Variants in TDRD5 observed in about 807,000 individuals in gnomAD.
The protein encoded by TDRD5 is tudor domain containing 5, also known as tudor domain-containing protein 5.
Under a neutral mutation model 120.6 loss-of-function variants are expected in TDRD5, and 41 were observed. That is an observed-to-expected ratio of 0.34 (90% CI 0.26 to 0.44). The LOEUF (loss-of-function observed/expected upper bound fraction) is 0.44. Among genes scored for constraint, TDRD5 ranks in the 20% least tolerant of loss-of-function variants. The pLI is 1.00. For synonymous variants in TDRD5, 430 were observed against 433.7 expected (o/e 0.99, Z 0.11); for missense variants, 1,006 against 1,221.2 (o/e 0.82, Z 2.63).
At position 179,636,821 on chromosome 1, in the gene TDRD5, G is replaced by C. The variant is rs1190490351; in HGVS notation, c.1520+934G>C. 2.0e-5 allele frequency among the ~76,000 whole-genome samples: 3 copies of C among 152,156 alleles called. No individual in the cohort carries two copies. The East Asian group carries it at 5.8e-4, about 29-fold the overall frequency. On this transcript the variant is annotated intron_variant, in intron 9 of 17. Transcript: ENST00000444136. Reference sequence around the variant, plus strand: ...GTTTGATTTTTGTCATTGACAACATGTACTGTGAGTTGTTTTCCTTGAAGT... The same window carrying C: ...GTTTGATTTTTGTCATTGACAACATCTACTGTGAGTTGTTTTCCTTGAAGT...
intron 4 of TDRD5, among the ~76,000 whole-genome samples, chr1:179,612,103 A>C (rs551534640): frequency 6.7e-4 from 102 of 152,344 alleles, no homozygotes; most frequent in African/African-American, 2.4e-3. Flanking sequence ...ATATATTACA[A>C]AATTAAAGTG....
intron 17 of TDRD5, among the ~76,000 whole-genome samples, chr1:179,688,240 G>T (rs1480991583): frequency 6.6e-6 from 1 of 152,116 alleles, no homozygotes; most frequent in African/African-American, 2.4e-5. Context: ...AGCAGGCCTG[G>T]TGGTGACAAA....
rs543279481 is a variant in TDRD5, at chr1:179,592,673, A to G, written c.58A>G (p.Ile20Val). 6.2e-7 allele frequency: 1 copy of G among 1,613,882 alleles called. No individual in the cohort carries two copies. Among genetic ancestry groups the G allele is most frequent in the Admixed American group, 1.7e-5 (1 of 60,004 alleles). ...CLRKEIRSLL[I>V]STKDGLSPQE... ...GCGGAAGGAAATAAGGTCACTTCTCATTTCCACCAAAGATGGTTTGAGCCC... is the reference window on the plus strand; with the variant it reads ...GCGGAAGGAAATAAGGTCACTTCTCGTTTCCACCAAAGATGGTTTGAGCCC... Residue 20 changes from isoleucine to valine, a missense_variant, in exon 2 of 18, where the codon ATT (isoleucine) becomes GTT (valine). Ile to Val is a conservative substitution (Grantham distance 29, BLOSUM62 3). Transcript: ENST00000444136.
At chr1:179,595,216 G>A (rs1675324697) in intron 3 of TDRD5, among the ~76,000 whole-genome samples, 1 of 151,994 alleles carries the variant, frequency 6.6e-6, no homozygotes, top group African/African-American at 2.4e-5. Context: ...ATTTTATTCT[G>A]TAGCTTTTCA....
Position 179,639,948 on chromosome 1 carries a change from C to T in TDRD5, c.1630C>T (p.Arg544Trp), listed in dbSNP as rs1327324261. The T allele has an allele frequency of 1.2e-6, 2 of 1,613,920 alleles. No homozygotes were observed. Among genetic ancestry groups the T allele is most frequent in the Non-Finnish European group, 1.7e-6 (2 of 1,180,012 alleles). ...GATTTCTGAGGATAAGTGGTGGTAT[C>T]GGGTCATTATCCATCGAGTCCTTGA... is the stretch of plus-strand genomic sequence containing the variant. ...VRISEDKWWYRVIIHRVLEKQ... is the reference protein window; with the variant it reads ...VRISEDKWWYWVIIHRVLEKQ... The change falls in exon 10 of 18, where the codon CGG (arginine) becomes TGG (tryptophan). Residue 544 changes from arginine (R) to tryptophan (W), a missense_variant. This residue lies in a region of TDRD5 where 158 missense variants were observed against 257.5 expected (regional missense o/e 0.61). Transcript: ENST00000444136.
At chr1:179,637,727 A>G (rs1202791567) in intron 9 of TDRD5, among the ~76,000 whole-genome samples, 3 of 151,178 alleles carry the variant, frequency 2.0e-5, no homozygotes, top group Non-Finnish European at 4.4e-5. Flanking sequence ...GGAAAAAAAA[A>G]AAATACTGTA....
At chr1:179,614,998 G>A (rs745404235) in intron 4 of TDRD5, among the ~76,000 whole-genome samples, 8 of 152,098 alleles carry the variant, frequency 5.3e-5, no homozygotes, top group Non-Finnish European at 8.8e-5. Flanking sequence ...CTAACTGAAA[G>A]TTTGTGTCCT....
At chr1:179,678,414 G>C (rs757392529) in intron 17 of TDRD5, among the ~76,000 whole-genome samples, 1 of 151,980 alleles carries the variant, frequency 6.6e-6, no homozygotes, top group Non-Finnish European at 1.5e-5. Flanking sequence ...TTCTTCAAAG[G>C]GTCTGTGGAT....
chr1:179,623,625 C>CT (rs11428251), intron 6 of TDRD5, among the ~76,000 whole-genome samples: 55,674 of 97,562 alleles, frequency 0.57, 16,172 homozygotes, highest in South Asian at 0.74. Context: ...CCAACTCATT[C>CT]TTTTTTTTTT....
intron 7 of TDRD5, among the ~76,000 whole-genome samples, chr1:179,633,575 C>T (rs760179313): frequency 5.5e-4 from 84 of 152,052 alleles, no homozygotes; most frequent in Non-Finnish European, 1.0e-3. Context: ...TGGTCTTGAA[C>T]TCCTGACCTT....
rs1294277011 is a variant in TDRD5, at chr1:179,679,170, C to T, written c.2860+9766C>T. ...CTGTTTATGGGATGGTGAATTATAT[C>T]GATTTTCAAATATTAAACCAACCTT... On this transcript the variant is annotated intron_variant, in intron 17 of 17. Coordinates refer to ENST00000444136, the MANE Select transcript of TDRD5 (RefSeq NM_001199085.3). 5.3e-5 allele frequency among the ~76,000 whole-genome samples: 8 copies of T among 152,076 alleles called. No homozygotes were observed. In the East Asian group the frequency reaches 9.6e-4, roughly 18 times the overall value.
rs1020904595 is a variant in TDRD5 at position 179,674,885 on chromosome 1, C to T, written c.2860+5481C>T. On this transcript the variant is annotated intron_variant, in intron 17 of 17. Coordinates refer to ENST00000444136, the MANE Select transcript of TDRD5 (RefSeq NM_001199085.3). ...TGTGTTTCTGTGGTATCAGTTGTAACATCTCCCATTTCATTTCTAATTGAG... is the reference window on the plus strand; with the variant it reads ...TGTGTTTCTGTGGTATCAGTTGTAATATCTCCCATTTCATTTCTAATTGAG... Among the ~76,000 whole-genome samples the T allele has an allele frequency of 2.0e-5, 3 of 152,082 alleles. No homozygotes were observed. The East Asian group carries it at 5.8e-4, about 29-fold the overall frequency.
At chr1:179,626,730 TTC>T (rs1677151612) in intron 6 of TDRD5, among the ~76,000 whole-genome samples, 2 of 152,096 alleles carry the variant, frequency 1.3e-5, no homozygotes, top group South Asian at 2.1e-4. Context: ...TTTCAACTTT[TTC>T]TGTGTTTGAA....
intron 6 of TDRD5, among the ~76,000 whole-genome samples, chr1:179,628,192 A>T (rs1677233651): frequency 6.6e-6 from 1 of 152,168 alleles, no homozygotes; most frequent in South Asian, 2.1e-4. Context: ...TAAACAGGAT[A>T]TATACACATA....
At chr1:179,618,881 T>G (rs1676699724) in intron 5 of TDRD5, among the ~76,000 whole-genome samples, 199 bp downstream of exon 5, 1 of 152,108 alleles carries the variant, frequency 6.6e-6, no homozygotes, top group African/African-American at 2.4e-5. Context: ...ATTTAGTAAA[T>G]AAGTTCTTCC....
rs541692440 is a variant in TDRD5, at chr1:179,662,343, G to C, written c.2505+57G>C. 1,608 of 1,548,596 alleles carry C rather than the reference G, an allele frequency of 1.0e-3. 1 individual carries two copies. Among genetic ancestry groups the C allele is most frequent in the South Asian group, 1.1e-3 (92 of 81,604 alleles). ...AGGCCGGGCACTGCGGCTCAAGCCT[G>C]TAATCCTAGCAGTTTGGGAGGCCAA... On this transcript the variant is annotated intron_variant, in intron 15 of 17. Coordinates refer to ENST00000444136, the MANE Select transcript of TDRD5 (RefSeq NM_001199085.3).
chr1:179,688,763 T>C (rs1261874114), intron 17 of TDRD5, among the ~76,000 whole-genome samples: 2 of 152,236 alleles, frequency 1.3e-5, no homozygotes, highest in Non-Finnish European at 2.9e-5. Flanking sequence ...CTTTTTTCTC[T>C]AAACTTCTCT....
chr1:179,607,048 A>G (rs1185489129), intron 4 of TDRD5, among the ~76,000 whole-genome samples: 3 of 152,138 alleles, frequency 2.0e-5, no homozygotes, highest in Non-Finnish European at 4.4e-5. Context: ...TCTGGACAAT[A>G]TTGAGTTTTT....
At chr1:179,632,754 A>G (rs530445855) in intron 7 of TDRD5, among the ~76,000 whole-genome samples, 11 of 152,304 alleles carry the variant, frequency 7.2e-5, no homozygotes, top group African/African-American at 2.6e-4. Context: ...TTTCCTACAC[A>G]AAACAGTAGT....
Sources: gnomAD v4.1 joint callset for allele counts (sites outside exome capture counted in the v4.1 genomes callset) on GRCh38, gnomAD v4.1.1 for gene constraint, gnomAD v4.1.1 regional missense constraint, MANE v1.5 for transcripts, NCBI Gene and HGNC (gene_info 2026-07-23, HGNC 2026-07-21) for gene names.